NCOA1: variants seen among roughly 807,000 people sequenced by gnomAD.
The protein encoded by NCOA1 is Hin-2 protein.
Under a neutral mutation model 150.9 loss-of-function variants are expected in NCOA1, and 35 were observed. That is an observed-to-expected ratio of 0.23 (90% CI 0.18 to 0.31). The LOEUF is 0.31. NCOA1 is among the 10% of genes least tolerant of loss of function. The pLI is 1.00. For missense variants in NCOA1, 1,491 were observed against 1,749.3 expected (o/e 0.85, Z 2.63); for synonymous variants, 590 against 630.0 (o/e 0.94, Z 0.95).
At chr2:24,734,990 A>C (rs1162563162) in intron 17 of NCOA1, among the ~76,000 whole-genome samples, 2 of 152,228 alleles carry the variant, frequency 1.3e-5, no homozygotes, top group Non-Finnish European at 2.9e-5. Context: ...GGCGTGCATC[A>C]TAAATGCTGG....
chr2:24,628,536 G>A (rs545859172), intron 3 of NCOA1, among the ~76,000 whole-genome samples: 1 of 151,962 alleles, frequency 6.6e-6, no homozygotes, highest in Admixed American at 6.6e-5. Flanking sequence ...ATACCTACAC[G>A]GAGCTTACAG....
Position 24,584,042 on chromosome 2 carries a change from A to G in NCOA1, c.-259-434A>G, listed in dbSNP as rs183199015. On this transcript the variant is annotated intron_variant, in intron 2 of 22. Transcript: ENST00000348332. ...TATCTTTAAATATCTAGAAGAGAGG[A>G]TTTTGAATGTTCCTAACACAAAGAT... is the stretch of plus-strand genomic sequence containing the variant. Among the ~76,000 whole-genome samples the G allele has an allele frequency of 2.4e-3, 360 of 152,250 alleles. 9 individuals are homozygous for G. Among genetic ancestry groups the G allele is most frequent in the Non-Finnish European group, 7.9e-4 (54 of 67,988 alleles).
intron 3 of NCOA1, among the ~76,000 whole-genome samples, chr2:24,597,368 A>G (rs1027884412): frequency 1.6e-4 from 24 of 152,244 alleles, no homozygotes; most frequent in African/African-American, 5.8e-4. Context: ...GAATGAATCA[A>G]TTGTGAGACA....
At chr2:24,673,517 T>C in intron 7 of NCOA1, 54 bp downstream of exon 7, 3 of 1,314,544 alleles carry the variant, frequency 2.3e-6, no homozygotes, top group Non-Finnish European at 3.2e-6. Context: ...GTAGCCAGTT[T>C]GGTTTTTTCT....
intron 11 of NCOA1, among the ~76,000 whole-genome samples, chr2:24,703,427 T>C (rs745738679): frequency 1.1e-4 from 17 of 152,234 alleles, no homozygotes; most frequent in Non-Finnish European, 1.9e-4. Flanking sequence ...TGCCAAATCT[T>C]AGTCCATACA....
intron 1 of NCOA1, among the ~76,000 whole-genome samples, chr2:24,540,699 T>G (rs1270017783): frequency 1.3e-5 from 2 of 152,162 alleles, no homozygotes; most frequent in Non-Finnish European, 2.9e-5. Flanking sequence ...CCTCAAGTGA[T>G]CCGCCTGCCT....
At chr2:24,523,617 A>AAAAAAAAAAAAAAG (rs1480833314) in intron 1 of NCOA1, among the ~76,000 whole-genome samples, 2 of 130,028 alleles carry the variant, frequency 1.5e-5, no homozygotes, top group Admixed American at 7.9e-5. Context: ...AAAAAAAAAA[A>AAAAAAAAAAAAAAG]AAAAAAAAAA....
chr2:24,602,679 A>C (rs1668176976), intron 3 of NCOA1, among the ~76,000 whole-genome samples: 1 of 152,082 alleles, frequency 6.6e-6, no homozygotes, highest in Non-Finnish European at 1.5e-5. Flanking sequence ...TTTAAATAAA[A>C]CGTTTTAAAT....
chr2:24,628,356 C>G (rs1277006743), intron 3 of NCOA1, among the ~76,000 whole-genome samples: 1 of 151,276 alleles, frequency 6.6e-6, no homozygotes, highest in Non-Finnish European at 1.5e-5. Flanking sequence ...TATTCTGAAG[C>G]TCATGGGTTT....
intron 21 of NCOA1, among the ~76,000 whole-genome samples, chr2:24,762,130 C>T (rs1471670308): frequency 3.3e-5 from 5 of 152,226 alleles, no homozygotes; most frequent in African/African-American, 1.2e-4. Context: ...ATGATACAGC[C>T]GGAAATACAC....
intron 3 of NCOA1, among the ~76,000 whole-genome samples, chr2:24,595,739 AGCCTTGC>A (rs1204377349): frequency 6.6e-6 from 1 of 152,046 alleles, no homozygotes; most frequent in East Asian, 1.9e-4. Context: ...GGGCCTTTTT[AGCCTTGC>A]AGCCTCTGCA....
At chr2:24,575,055 T>C (rs1666897180) in intron 2 of NCOA1, among the ~76,000 whole-genome samples, 1 of 148,076 alleles carries the variant, frequency 6.8e-6, no homozygotes, top group African/African-American at 2.5e-5. Flanking sequence ...AAAATTATGC[T>C]CATTATTTCT....
intron 1 of NCOA1, among the ~76,000 whole-genome samples, chr2:24,539,492 G>A (rs895784777): frequency 1.3e-4 from 20 of 152,120 alleles, no homozygotes; most frequent in Admixed American, 4.6e-4. Context: ...AGATCATAGA[G>A]GGCTTTGCAT....
rs563162103 is a variant in NCOA1, at chr2:24,720,149, G to T, written c.2600-6440G>T. Among the ~76,000 whole-genome samples, 27 of 152,252 alleles carry T rather than the reference G, an allele frequency of 1.8e-4. 1 individual carries two copies. The South Asian group carries it at 5.4e-3, about 30-fold the overall frequency. On this transcript the variant is annotated intron_variant, in intron 14 of 22. Coordinates refer to ENST00000348332, the MANE Select transcript of NCOA1 (RefSeq NM_003743.5). ...AGTAAATCTAAAATGGAGACATCAAGAAATAGCAATATATGCATATTTAGA... is the reference window on the plus strand; with the variant it reads ...AGTAAATCTAAAATGGAGACATCAATAAATAGCAATATATGCATATTTAGA...
intron 1 of NCOA1, among the ~76,000 whole-genome samples, chr2:24,544,096 A>T (rs1002823833): frequency 6.6e-6 from 1 of 152,172 alleles, no homozygotes; most frequent in African/African-American, 2.4e-5. Flanking sequence ...TTTGGTGGTT[A>T]GTTACTAGGG....
intron 1 of NCOA1, among the ~76,000 whole-genome samples, chr2:24,497,970 A>G (rs1663295748): frequency 6.6e-6 from 1 of 152,196 alleles, no homozygotes; most frequent in Non-Finnish European, 1.5e-5. Flanking sequence ...ACATTTACAT[A>G]CTTTTATTAT....
intron 11 of NCOA1, among the ~76,000 whole-genome samples, chr2:24,703,728 C>T (rs1673278878): frequency 6.6e-6 from 1 of 152,052 alleles, no homozygotes; most frequent in South Asian, 2.1e-4. Context: ...ACTGTATACA[C>T]AGGACAATAA....
At chr2:24,698,191 G>T (rs1245796692) in intron 11 of NCOA1, among the ~76,000 whole-genome samples, 1 of 151,306 alleles carries the variant, frequency 6.6e-6, no homozygotes, top group Non-Finnish European at 1.5e-5. Flanking sequence ...TTGATGTGGG[G>T]TATGATAGAA....
chr2:24,526,772 A>G (rs1377547204), intron 1 of NCOA1, among the ~76,000 whole-genome samples: 1 of 152,124 alleles, frequency 6.6e-6, no homozygotes, highest in Admixed American at 6.6e-5. Context: ...ACATGATGTT[A>G]TGAGATACAT....
Sources: gnomAD v4.1 joint callset for allele counts (sites outside exome capture counted in the v4.1 genomes callset) on GRCh38, gnomAD v4.1.1 for gene constraint, MANE v1.5 for transcripts, NCBI Gene and HGNC (gene_info 2026-07-23, HGNC 2026-07-21) for gene names.